NR2F1-AS1: variants seen among roughly 807,000 people sequenced by gnomAD.
The protein encoded by NR2F1-AS1 is NR2F1 regulatory antisense RNA 1, also known as NR2F1 antisense RNA 1.
At chr5:93,547,372 A>G (rs773081322) in intron 4 of NR2F1-AS1, among the ~76,000 whole-genome samples, 26 of 152,178 alleles carry the variant, frequency 1.7e-4, no homozygotes, top group Admixed American at 4.6e-4. Flanking sequence ...TTTGATATCA[A>G]TATAAAATTA....
At chr5:93,545,360 T>A (rs1752059213) in intron 4 of NR2F1-AS1, among the ~76,000 whole-genome samples, 2 of 152,164 alleles carry the variant, frequency 1.3e-5, no homozygotes, top group Admixed American at 1.3e-4. Context: ...TCCCCCACAA[T>A]CCCATCACCC....
chr5:93,492,896 C>T (rs1023746781), intron 4 of NR2F1-AS1, among the ~76,000 whole-genome samples: 2 of 149,898 alleles, frequency 1.3e-5, no homozygotes, highest in African/African-American at 2.4e-5. Context: ...TTCTTTAATA[C>T]GATAAAGGGC....
intron 4 of NR2F1-AS1, among the ~76,000 whole-genome samples, chr5:93,462,255 G>A (rs1750113212): frequency 6.6e-6 from 1 of 152,044 alleles, no homozygotes; most frequent in South Asian, 2.1e-4. Flanking sequence ...TTCCCAAGCT[G>A]TTCTTGTGAT....
At chr5:93,456,043 C>T (rs1050264874) in intron 4 of NR2F1-AS1, among the ~76,000 whole-genome samples, 2 of 152,072 alleles carry the variant, frequency 1.3e-5, no homozygotes, top group Non-Finnish European at 2.9e-5. Flanking sequence ...AAGGACATAT[C>T]CTCTAGCCAC....
chr5:93,520,316 C>G (rs2149894999), intron 4 of NR2F1-AS1, among the ~76,000 whole-genome samples: 1 of 152,134 alleles, frequency 6.6e-6, no homozygotes, highest in South Asian at 2.1e-4. Context: ...ATATTGTGCT[C>G]TTTTTGAAGA....
intron 4 of NR2F1-AS1, among the ~76,000 whole-genome samples, chr5:93,474,322 A>G (rs1319150134): frequency 6.6e-6 from 1 of 152,230 alleles, no homozygotes; most frequent in Non-Finnish European, 1.5e-5. Context: ...GCTCAGGTTC[A>G]TCTTACCCAC....
chr5:93,494,753 T>C (rs1750923416), intron 4 of NR2F1-AS1, among the ~76,000 whole-genome samples: 1 of 152,144 alleles, frequency 6.6e-6, no homozygotes, highest in South Asian at 2.1e-4. Flanking sequence ...ACCATCTGAC[T>C]AAGAGAAATG....
At position 93,476,426 on chromosome 5, in the gene NR2F1-AS1, C is replaced by G. The variant is rs563049629; in HGVS notation, n.638+77335G>C. On this transcript the variant is annotated intron_variant and non_coding_transcript_variant, in intron 4 of 5. Transcript: ENST00000660523. ...CATTTAAAATCTAGATAAGGAAAGG[C>G]TGAATTCATTGGCCCCACAGTTAAA... Among the ~76,000 whole-genome samples the G allele has an allele frequency of 8.5e-5, 13 of 152,160 alleles. No homozygotes were observed. The South Asian group carries it at 2.3e-3, about 27-fold the overall frequency.
intron 4 of NR2F1-AS1, among the ~76,000 whole-genome samples, chr5:93,424,068 A>C (rs1749145683): frequency 6.6e-6 from 1 of 152,114 alleles, no homozygotes; most frequent in African/African-American, 2.4e-5. Flanking sequence ...ACCCCTCACT[A>C]TTGCTAGCTG....
intron 1 of NR2F1-AS1, among the ~76,000 whole-genome samples, chr5:93,564,156 AACT>A (rs1236145098): frequency 7.1e-6 from 1 of 140,582 alleles, no homozygotes; most frequent in Non-Finnish European, 1.5e-5. Flanking sequence ...AAAAACACAC[AACT>A]ACCTGGAGAA....
chr5:93,486,722 G>A (rs1264511053), intron 4 of NR2F1-AS1, among the ~76,000 whole-genome samples: 1 of 152,152 alleles, frequency 6.6e-6, no homozygotes, highest in Non-Finnish European at 1.5e-5. Flanking sequence ...TAGAAAAAGA[G>A]GGACTCCTCC....
intron 4 of NR2F1-AS1, among the ~76,000 whole-genome samples, chr5:93,529,554 G>A (rs978578374): frequency 2.0e-5 from 3 of 152,034 alleles, no homozygotes; most frequent in Admixed American, 6.6e-5. Flanking sequence ...GGGGAGTCAA[G>A]GCCAAGGTGA....
At chr5:93,447,447 T>C (rs989382625) in intron 4 of NR2F1-AS1, among the ~76,000 whole-genome samples, 6 of 152,114 alleles carry the variant, frequency 3.9e-5, no homozygotes, top group Non-Finnish European at 7.4e-5. Context: ...AACAGACACA[T>C]GAAAAAATGC....
chr5:93,423,275 A>G (rs547475342), intron 4 of NR2F1-AS1: 1 of 152,296 alleles, frequency 6.6e-6, no homozygotes, highest in African/African-American at 2.4e-5. Context: ...AAATCCTTTC[A>G]TTTTAATAAT....
intron 4 of NR2F1-AS1, among the ~76,000 whole-genome samples, chr5:93,442,364 T>G (rs1191798626): frequency 6.6e-6 from 1 of 152,092 alleles, no homozygotes; most frequent in Non-Finnish European, 1.5e-5. Context: ...TTTCCAATGG[T>G]CTTAGCAAAT....
At chr5:93,414,956 A>G (rs973833530) in intron 4 of NR2F1-AS1, among the ~76,000 whole-genome samples, 2 of 152,198 alleles carry the variant, frequency 1.3e-5, no homozygotes, top group Admixed American at 1.3e-4. Context: ...ATGCCCTTAA[A>G]GAGAACACTT....
At chr5:93,581,300 C>A, upstream of NR2F1-AS1, 1 of 152,486 alleles carries the variant, frequency 6.6e-6, no homozygotes, top group South Asian at 2.0e-4. Flanking sequence ...GCGGCTTTGT[C>A]ACTCCGCGCG....
intron 4 of NR2F1-AS1, among the ~76,000 whole-genome samples, chr5:93,450,931 A>C (rs1383415331): frequency 6.6e-6 from 1 of 151,382 alleles, no homozygotes; most frequent in Non-Finnish European, 1.5e-5. Flanking sequence ...AAAAAAAAAA[A>C]AAAAAAAACA....
intron 4 of NR2F1-AS1, among the ~76,000 whole-genome samples, chr5:93,526,025 A>T (rs1751605887): frequency 1.3e-5 from 2 of 152,220 alleles, no homozygotes; most frequent in South Asian, 4.1e-4. Flanking sequence ...ACTGAAGGAG[A>T]TAGACACAAA....
Sources: gnomAD v4.1 joint callset for allele counts (sites outside exome capture counted in the v4.1 genomes callset) on GRCh38, gnomAD v4.1.1 for gene constraint, MANE v1.5 for transcripts, NCBI Gene and HGNC (gene_info 2026-07-23, HGNC 2026-07-21) for gene names.